WNT10A: variants seen among roughly 807,000 people sequenced by gnomAD.
The protein encoded by WNT10A is Wnt family member 10A, also known as protein Wnt-10a.
In WNT10A, 37 loss-of-function variants were observed where a neutral mutation model predicts 36.1. The ratio of observed to expected loss-of-function variants is 1.02; its 90% confidence interval spans 0.79 to 1.35. WNT10A has a LOEUF of 1.35. WNT10A is among the 40% of genes most tolerant of loss of function. The probability of loss-of-function intolerance (pLI) is 0.00; values close to 1 mark genes in which losing one functional copy is unlikely to be tolerated. For missense variants in WNT10A, 613 were observed against 601.4 expected, an observed-to-expected ratio of 1.02 and a Z score of -0.20; for synonymous variants, 255 against 254.1, an observed-to-expected ratio of 1.00 and a Z score of -0.03.
Position 218,890,334 on chromosome 2 carries a change from A to G in WNT10A, c.727A>G (p.Arg243Gly). The G allele has an allele frequency of 6.2e-7, 1 of 1,600,736 alleles. No homozygotes were observed. Among genetic ancestry groups the G allele is most frequent in the South Asian group, 1.1e-5 (1 of 91,082 alleles). Residue 243 changes from arginine (R) to glycine (G), a missense_variant, in exon 3 of 4, where the codon AGG (arginine) becomes GGG (glycine). Transcript: ENST00000258411. Reference sequence around the variant, plus strand: ...TCACAGAGACATCCACGCGAGAATGAGGCTTCACAACAACCGAGTTGGGAG... The same window carrying G: ...TCACAGAGACATCCACGCGAGAATGGGGCTTCACAACAACCGAGTTGGGAG... ...EPHRDIHARM[R>G]LHNNRVGRQA...
At chr2:218,882,598 G>A (rs913500036) in intron 2 of WNT10A, among the ~76,000 whole-genome samples, 175 bp downstream of exon 2, 1 of 152,214 alleles carries the variant, frequency 6.6e-6, no homozygotes, top group Non-Finnish European at 1.5e-5. Flanking sequence ...TGGGGGCAGA[G>A]AAATTGGGCA....
chr2:218,885,965 CTAT>C (rs1165161701), intron 2 of WNT10A, among the ~76,000 whole-genome samples: 1 of 152,124 alleles, frequency 6.6e-6, no homozygotes, highest in Non-Finnish European at 1.5e-5. Flanking sequence ...GTGGTAGGTC[CTAT>C]TATTATTATT....
rs1434390821 is a variant in WNT10A at position 218,892,927 on chromosome 2, A to C, written c.910A>C (p.Asn304His). 2 of 1,495,558 alleles carry C rather than the reference A, an allele frequency of 1.3e-6. No homozygotes were observed. The highest frequency in any genetic ancestry group is 1.8e-6 in the Non-Finnish European group (2 of 1,125,170). 92.6% of individuals were successfully genotyped at this position (1,495,558 alleles called of 1,614,324 possible). ...CCGCGCCACGCTCATCCGGCCGCAC[A>C]ACCGCAACGGCGGCCAGCTGGAGCC... ...FHRATLIRPH[N>H]RNGGQLEPGP... is the part of the protein sequence containing the mutation. Residue 304 changes from asparagine (N) to histidine (H), a missense_variant, in exon 4 of 4, where the codon AAC becomes CAC. Transcript: ENST00000258411.
Position 218,890,115 on chromosome 2 carries a change from T to C in WNT10A, c.508T>C (p.Phe170Leu), listed in dbSNP as rs766368714. The change falls in exon 3 of 4, where the codon TTC (phenylalanine) becomes CTC (leucine). Residue 170 changes from phenylalanine (F) to leucine (L), a missense_variant. Phe to Leu is a conservative substitution (Grantham distance 22). Coordinates refer to ENST00000258411, the MANE Select transcript of WNT10A (RefSeq NM_025216.3). ...GTCCCGGCGAGGGGACGAGGAGGCC[T>C]TCCGTAGGAAGCTGCACCGCTTACA... ...DASRRGDEEA[F>L]RRKLHRLQLD... 1.2e-6 allele frequency: 2 copies of C among 1,614,164 alleles called. No homozygotes were observed. The highest frequency in any genetic ancestry group is 3.3e-5 in the Admixed American group (2 of 60,028).
upstream of WNT10A, among the ~76,000 whole-genome samples, chr2:218,878,556 C>A (rs1264173928): frequency 1.3e-5 from 2 of 152,106 alleles, no homozygotes; most frequent in Non-Finnish European, 2.9e-5. This position sits in a 1 kb window ranked among gnomAD's most constrained non-coding sequence, Gnocchi z 4.1. Context: ...CAAAAGGAGT[C>A]CCCACCAGAA....
rs1339905158 is a variant in WNT10A, at chr2:218,893,165, T to G, written c.1148T>G (p.Ile383Ser). 6.3e-7 allele frequency: 1 copy of G among 1,587,412 alleles called. No individual in the cohort carries two copies. The highest frequency in any genetic ancestry group is 1.1e-5 in the South Asian group (1 of 90,130). The stretch of plus-strand genomic sequence containing the variant: ...ATGTGCTGCGGCCGCGGCCACAACA[T>G]CCTGCGCCAGACGCGCAGCGAGCGC... ...GSMCCGRGHN[I>S]LRQTRSERCH... Residue 383 changes from isoleucine (I) to serine (S), a missense_variant, in exon 4 of 4, where the codon ATC becomes AGC. Coordinates refer to ENST00000258411, the MANE Select transcript of WNT10A (RefSeq NM_025216.3). The surrounding 1 kb of genome is among the most constrained non-coding windows in gnomAD (Gnocchi z 6.3).
In WNT10A at chr2:218,893,416, T is replaced by G; in HGVS notation, c.*145T>G. Reference sequence around the variant, plus strand: ...TGATCTTATAGGAACCCCTCAGCTCTGAGGTCTGTGATCGCCGGACAGTCC... The same window carrying G: ...TGATCTTATAGGAACCCCTCAGCTCGGAGGTCTGTGATCGCCGGACAGTCC... On this transcript the variant is annotated 3_prime_UTR_variant, in exon 4 of 4. Coordinates refer to ENST00000258411, the MANE Select transcript of WNT10A (RefSeq NM_025216.3). This position sits in a 1 kb window ranked among gnomAD's most constrained non-coding sequence, Gnocchi z 6.3. 3.3e-6 allele frequency: 4 copies of G among 1,200,832 alleles called. No individual in the cohort carries two copies. Among genetic ancestry groups the G allele is most frequent in the African/African-American group, 1.5e-5 (1 of 65,058 alleles). 74.4% of individuals were successfully genotyped at this position (1,200,832 alleles called of 1,614,324 possible). A position where few individuals can be genotyped will look rare whatever the true frequency, so the allele number is the denominator to read the frequency against.
In WNT10A at chr2:218,892,792, C is replaced by T. The variant is rs576855744; in HGVS notation, c.775C>T (p.Arg259Trp). Residue 259 changes from arginine (R) to tryptophan (W), a missense_variant, in exon 4 of 4, where the codon CGG (arginine) becomes TGG (tryptophan). Physicochemically the swap from Arg to Trp is moderately radical, Grantham distance 101 (BLOSUM62 -3). Transcript: ENST00000258411. ...VGRQAVMENM[R>W]RKCKCHGTSG... Reference sequence around the variant, plus strand: ...TCCGCAGGCAGTGATGGAGAACATGCGGCGGAAGTGCAAGTGCCACGGCAC... The same window carrying T: ...TCCGCAGGCAGTGATGGAGAACATGTGGCGGAAGTGCAAGTGCCACGGCAC... 6.3e-6 allele frequency: 10 copies of T among 1,594,324 alleles called. No homozygotes were observed. Among genetic ancestry groups the T allele is most frequent in the East Asian group, 2.3e-5 (1 of 43,954 alleles).
In WNT10A at chr2:218,892,875, G is replaced by C; in HGVS notation, c.858G>C (p.Val286=). 6.3e-7 allele frequency: 1 copy of C among 1,575,242 alleles called. No individual in the cohort carries two copies. Among genetic ancestry groups the C allele is most frequent in the Non-Finnish European group, 8.6e-7 (1 of 1,163,108 alleles). Reference sequence around the variant, plus strand: ...AGGTGACGCCCGAGTTCCGCACCGTGGGGGCGCTGCTGCGCAGCCGCTTCC... The same window carrying C: ...AGGTGACGCCCGAGTTCCGCACCGTCGGGGCGCTGCTGCGCAGCCGCTTCC... The part of the protein sequence containing the change: ...CWQVTPEFRT[V]GALLRSRFHR... Residue 286 remains valine (V), a synonymous_variant, in exon 4 of 4, where the codon GTG becomes GTC. Coordinates refer to ENST00000258411, the MANE Select transcript of WNT10A (RefSeq NM_025216.3).
intron 2 of WNT10A, 70 bp from the exon 3 acceptor site, chr2:218,889,914 G>T: frequency 6.2e-7 from 1 of 1,607,190 alleles, no homozygotes; most frequent in South Asian, 1.1e-5. Context: ...GGAATGATGA[G>T]AAAGGTGGGC....
In WNT10A at chr2:218,881,057, C is replaced by T. The variant is rs749864407; in HGVS notation, c.62C>T (p.Ala21Val). 1.0e-5 allele frequency: 16 copies of T among 1,604,820 alleles called. No homozygotes were observed. The South Asian group carries it at 1.7e-4, about 17-fold the overall frequency. The change falls in exon 1 of 4, where the codon GCG becomes GTG. Residue 21 changes from alanine (A) to valine (V), a missense_variant. Coordinates refer to ENST00000258411, the MANE Select transcript of WNT10A (RefSeq NM_025216.3). ...RLRPQPQPRP[A>V]LWVLLFFLLL... ...CGACCCCAGCCCCAGCCGCGGCCAGCGCTCTGGGTGCTCCTGTTCTTCCTA... is the reference window on the plus strand; with the variant it reads ...CGACCCCAGCCCCAGCCGCGGCCAGTGCTCTGGGTGCTCCTGTTCTTCCTA...
upstream of WNT10A, among the ~76,000 whole-genome samples, chr2:218,875,930 G>A (rs1944449758): frequency 6.6e-6 from 1 of 152,210 alleles, no homozygotes; most frequent in Non-Finnish European, 1.5e-5. Context: ...TTATACCAGG[G>A]AAGTCCAGAG....
chr2:218,878,735 G>A (rs1420053681), upstream of WNT10A, among the ~76,000 whole-genome samples: 2 of 152,106 alleles, frequency 1.3e-5, no homozygotes, highest in African/African-American at 4.8e-5. This position sits in a 1 kb window ranked among gnomAD's most constrained non-coding sequence, Gnocchi z 4.1. Flanking sequence ...GGGGAATAAG[G>A]ACATCTGTAA....
the WNT10A span, among the ~76,000 whole-genome samples, chr2:218,874,805 G>T: frequency 1.3e-5 from 2 of 152,126 alleles, no homozygotes; most frequent in African/African-American, 4.8e-5. Context: ...TACAACAGAG[G>T]CCAAATTAGC....
At chr2:218,876,952 C>T (rs1448313078), upstream of WNT10A, among the ~76,000 whole-genome samples, 1 of 152,156 alleles carries the variant, frequency 6.6e-6, no homozygotes, top group Non-Finnish European at 1.5e-5. Flanking sequence ...TCTAGGGTTC[C>T]AGACTGTCTG....
chr2:218,881,540 CTG>C (rs142861827), intron 1 of WNT10A, among the ~76,000 whole-genome samples: 301 of 140,874 alleles, frequency 2.1e-3, no homozygotes, highest in Middle Eastern at 3.5e-3. Flanking sequence ...GCTGCAAGAG[CTG>C]TGTGTGTGTG....
chr2:218,876,704 T>C (rs1352013601), upstream of WNT10A, among the ~76,000 whole-genome samples: 1 of 152,204 alleles, frequency 6.6e-6, no homozygotes, highest in Non-Finnish European at 1.5e-5. Context: ...TTCACAGATC[T>C]GCCTTCCCCA....
chr2:218,874,473 A>AGGG, the WNT10A span, among the ~76,000 whole-genome samples: 1 of 152,200 alleles, frequency 6.6e-6, no homozygotes, highest in Non-Finnish European at 1.5e-5. Context: ...TTAAAGGGAC[A>AGGG]GGGGCATCAG....
chr2:218,893,460 C>CAGAAGTGAGTGGTGGGGTT lies in WNT10A; in HGVS notation c.*189_*190insAGAAGTGAGTGGTGGGGTT. On this transcript the variant is annotated 3_prime_UTR_variant, in exon 4 of 4. Coordinates refer to ENST00000258411, the MANE Select transcript of WNT10A (RefSeq NM_025216.3). The surrounding 1 kb of genome is among the most constrained non-coding windows in gnomAD (Gnocchi z 6.3). ...ACAGTCCAGGCCTGTCTGAACCCCA[C>CAGAAGTGAGTGGTGGGGTT]CACTCACTTCTGTGGGCTCTAGGAC... 1.3e-6 allele frequency: 1 copy of CAGAAGTGAGTGGTGGGGTT among 764,178 alleles called. No individual in the cohort carries two copies. The highest frequency in any genetic ancestry group is 2.0e-6 in the Non-Finnish European group (1 of 503,346). 47.3% of individuals were successfully genotyped at this position (764,178 alleles called of 1,614,324 possible). A position where few individuals can be genotyped will look rare whatever the true frequency, so the allele number is the denominator to read the frequency against.
Sources: allele counts gnomAD v4.1 joint callset (sites outside exome capture counted in the v4.1 genomes callset), GRCh38; gene constraint gnomAD v4.1.1; non-coding constraint Gnocchi (gnomAD v3.1); transcripts MANE v1.5; gene names NCBI Gene and HGNC (gene_info 2026-07-23, HGNC 2026-07-21).